The following PSD3 variants were observed in gnomAD, a reference collection of about 807,000 sequenced individuals.
The protein encoded by PSD3 is pleckstrin and Sec7 domain containing 3.
PSD3 carries 49 observed loss-of-function variants against 105.5 expected under a neutral mutation model. The ratio of observed to expected loss-of-function variants is 0.46; its 90% CI spans 0.37 to 0.59. The LOEUF (loss-of-function observed/expected upper bound fraction) is 0.59, where lower values mean the gene tolerates loss of function less well. PSD3 is among the 20% of genes least tolerant of loss of function. The probability of loss-of-function intolerance (pLI) is 0.00; values close to 1 mark genes in which losing one functional copy is unlikely to be tolerated. For missense variants in PSD3, 1,561 were observed against 1,263.8 expected, an observed-to-expected ratio of 1.24 and a Z score of -3.57; for synonymous variants, 557 against 457.8, an observed-to-expected ratio of 1.22 and a Z score of -2.77.
chr8:18,647,609 T>G (rs1220268477), intron 10 of PSD3, among the ~76,000 whole-genome samples: 6 of 151,782 alleles, frequency 4.0e-5, no homozygotes, highest in Non-Finnish European at 5.9e-5. Context: ...AAAACTGTTT[T>G]TTTTTTTTTT....
chr8:18,665,221 AT>A (rs574420996), intron 9 of PSD3, among the ~76,000 whole-genome samples: 44 of 152,354 alleles, frequency 2.9e-4, no homozygotes, highest in Non-Finnish European at 4.9e-4. Flanking sequence ...TCTAGAAAGG[AT>A]TCACCATTTT....
intron 2 of PSD3, among the ~76,000 whole-genome samples, chr8:18,887,426 T>C (rs972009581): frequency 1.3e-5 from 2 of 152,192 alleles, no homozygotes; most frequent in Non-Finnish European, 2.9e-5. Context: ...TAACATCCAT[T>C]TTTAAATATG....
chr8:18,808,256 A>C (rs914547104), intron 4 of PSD3, among the ~76,000 whole-genome samples: 3 of 152,218 alleles, frequency 2.0e-5, no homozygotes, highest in Admixed American at 1.3e-4. Context: ...CACATGTCAA[A>C]GAAAGGATTT....
At position 18,529,240 on chromosome 8, in the gene PSD3, G is replaced by A. The variant is rs541731269; in HGVS notation, c.*6503C>T. The stretch of plus-strand genomic sequence containing the variant: ...ATGTGATATGGATCCCCTCATTTAT[G>A]TGTTAAAAATATAATGCATCTCAAA... On this transcript the variant is annotated 3_prime_UTR_variant, in exon 16 of 16. Transcript: ENST00000327040. 1 of 152,290 alleles carries A rather than the reference G, an allele frequency of 6.6e-6. No homozygotes were observed. Among genetic ancestry groups the A allele is most frequent in the East Asian group, 1.9e-4 (1 of 5,166 alleles). The allele number at this position is 152,290 out of a possible 1,614,324, so 9.4% of individuals were successfully genotyped here. A position where few individuals can be genotyped will look rare whatever the true frequency, so the allele number is the denominator to read the frequency against.
chr8:18,610,899 G>A (rs544875403), intron 11 of PSD3, among the ~76,000 whole-genome samples: 2 of 152,086 alleles, frequency 1.3e-5, no homozygotes, highest in South Asian at 2.1e-4. Flanking sequence ...CTATTTCTCC[G>A]CTTTTGGACA....
At chr8:18,552,307 C>T (rs1405786664) in intron 15 of PSD3, among the ~76,000 whole-genome samples, 1 of 152,192 alleles carries the variant, frequency 6.6e-6, no homozygotes, top group African/African-American at 2.4e-5. Context: ...ATGTTAACAT[C>T]TGTAATCATC....
chr8:18,557,269 G>C (rs1281075421), intron 14 of PSD3, among the ~76,000 whole-genome samples: 3 of 152,290 alleles, frequency 2.0e-5, no homozygotes, highest in Non-Finnish European at 4.4e-5. Context: ...AAACAGATCT[G>C]ACTAAATTAG....
At chr8:18,799,226 G>T in intron 8 of PSD3, 69 bp downstream of exon 8, 1 of 1,340,350 alleles carries the variant, frequency 7.5e-7, no homozygotes, top group Non-Finnish European at 1.1e-6. Context: ...GAAAATAAAT[G>T]TGTTTGAACA....
intron 9 of PSD3, among the ~76,000 whole-genome samples, chr8:18,723,924 G>A (rs971479536): frequency 5.9e-5 from 9 of 151,988 alleles, no homozygotes; most frequent in African/African-American, 1.2e-4. Flanking sequence ...GGCAACTTCC[G>A]TTTCCATACA....
At chr8:18,578,874 C>A (rs767157417) in intron 12 of PSD3, among the ~76,000 whole-genome samples, 4 of 151,894 alleles carry the variant, frequency 2.6e-5, no homozygotes, top group African/African-American at 2.4e-5. Context: ...AGGTAAACTG[C>A]CAGATTACCT....
intron 4 of PSD3, among the ~76,000 whole-genome samples, chr8:18,814,822 G>T (rs181745992): frequency 7.9e-5 from 12 of 152,184 alleles, no homozygotes; most frequent in Non-Finnish European, 1.5e-4. Flanking sequence ...GATGCCATTG[G>T]ACATTCTCTT....
At chr8:19,073,279 G>A (rs573006197) in intron 1 of PSD3, among the ~76,000 whole-genome samples, 3 of 152,238 alleles carry the variant, frequency 2.0e-5, no homozygotes, top group African/African-American at 7.2e-5. Flanking sequence ...GGCAGGGCAC[G>A]GTGGCTCACA....
chr8:18,725,245 C>A (rs921855606), intron 9 of PSD3, among the ~76,000 whole-genome samples: 5 of 152,148 alleles, frequency 3.3e-5, no homozygotes, highest in African/African-American at 1.2e-4. Context: ...TTTTAGGAAA[C>A]TTAGAAAATA....
intron 9 of PSD3, among the ~76,000 whole-genome samples, chr8:18,729,209 T>C (rs1803552021): frequency 6.6e-6 from 1 of 152,194 alleles, no homozygotes; most frequent in African/African-American, 2.4e-5. Flanking sequence ...TCAGTAGAGA[T>C]TTCTGAACCA....
At chr8:18,925,546 T>C (rs1821306987) in intron 2 of PSD3, among the ~76,000 whole-genome samples, 1 of 152,050 alleles carries the variant, frequency 6.6e-6, no homozygotes, top group Admixed American at 6.6e-5. Flanking sequence ...AAATTCAAAA[T>C]GCTCCAAAAT....
chr8:18,918,241 TA>T (rs1820752217), intron 2 of PSD3, among the ~76,000 whole-genome samples: 2 of 152,192 alleles, frequency 1.3e-5, no homozygotes. Context: ...CACAGCTTTA[TA>T]TGTGCTTCTG....
Position 18,899,110 on chromosome 8 carries a change from T to G in PSD3, c.131-26377A>C, listed in dbSNP as rs115276097. Among the ~76,000 whole-genome samples, 578 of 152,270 alleles carry G rather than the reference T, an allele frequency of 3.8e-3. 4 individuals carry two copies. Among genetic ancestry groups the G allele is most frequent in the African/African-American group, 0.013 (538 of 41,558 alleles). ...TTCTGCCAGATTATCTCATGTCAAT[T>G]TGTTTTCTAGAACTGCTTCTTCCAC... On this transcript the variant is annotated intron_variant, in intron 2 of 15. Transcript: ENST00000327040.
At chr8:18,849,512 C>A (rs1002747755) in intron 4 of PSD3, 7 of 152,162 alleles carry the variant, frequency 4.6e-5, no homozygotes, top group Non-Finnish European at 1.0e-4. Context: ...TACATGTTGG[C>A]CGAGGTCTAT....
At chr8:19,040,021 T>C (rs1311454456) in intron 1 of PSD3, among the ~76,000 whole-genome samples, 2 of 152,102 alleles carry the variant, frequency 1.3e-5, no homozygotes, top group African/African-American at 4.8e-5. Flanking sequence ...AAGGAGATGA[T>C]ATCTGGGCAC....
Sources: gnomAD v4.1 joint callset for allele counts (sites outside exome capture counted in the v4.1 genomes callset) on GRCh38, gnomAD v4.1.1 for gene constraint, MANE v1.5 for transcripts, NCBI Gene and HGNC (gene_info 2026-07-23, HGNC 2026-07-21) for gene names.